Variants in TRPC6 observed in about 807,000 individuals in gnomAD.
TRPC6 encodes the protein transient receptor potential cation channel subfamily C member 6, also known as short transient receptor potential channel 6.
Under a neutral mutation model 90.7 loss-of-function variants are expected in TRPC6, and 55 were observed. The ratio of observed to expected loss-of-function variants is 0.61; its 90% CI spans 0.49 to 0.76. The LOEUF is 0.76. Among genes scored for constraint, TRPC6 ranks in the 30% least tolerant of loss-of-function variants. The pLI is 0.00. For missense variants in TRPC6, 989 were observed against 1,122.7 expected (o/e 0.88, Z 1.70); for synonymous variants, 393 against 393.0 (o/e 1.00, Z 0.00).
intron 1 of TRPC6, among the ~76,000 whole-genome samples, chr11:101,542,537 T>C (rs1861198998): frequency 6.6e-6 from 1 of 151,944 alleles, no homozygotes; most frequent in African/African-American, 2.4e-5. Context: ...GGGTTTTGCA[T>C]CCTGCATTTT....
chr11:101,476,212 A>G (rs1218771965), intron 6 of TRPC6, 89 bp downstream of exon 6: 6 of 1,064,332 alleles, frequency 5.6e-6, no homozygotes, highest in Non-Finnish European at 7.1e-6. Context: ...CAATTTTATG[A>G]GAATTGTGCA....
chr11:101,583,289 T>G, intron 1 of TRPC6, 45 bp downstream of exon 1: 1 of 1,541,010 alleles, frequency 6.5e-7, no homozygotes, highest in Non-Finnish European at 8.7e-7. Context: ...ACAACCTCCC[T>G]CCGCGCAGCC....
At chr11:101,507,039 ACACACACACACAGACC>A (rs967280490) in intron 1 of TRPC6, among the ~76,000 whole-genome samples, 21 of 150,592 alleles carry the variant, frequency 1.4e-4, no homozygotes, top group African/African-American at 5.0e-4. Flanking sequence ...ACACACACAC[ACACACACACACAGACC>A]CCCTTCATGG....
Position 101,472,195 on chromosome 11 carries a change from AC to A in TRPC6, c.2146del (p.Val716SerfsTer5). The A allele has an allele frequency of 1.9e-6, 3 of 1,612,708 alleles. No individual in the cohort carries two copies. Among genetic ancestry groups the A allele is most frequent in the Non-Finnish European group, 2.5e-6 (3 of 1,179,468 alleles). On this transcript the variant is annotated frameshift_variant, in exon 8 of 13. Transcript: ENST00000344327. LOFTEE classifies it high-confidence loss of function. ...VLYGVYNVTMVIVLLNMLIAM... is the reference protein window; with the variant it reads ...VLYGVYNVTMXIVLLNMLIAM... ...AATTAACATATTTAGCAAAACAATG[AC>A]CATCGTAACATTATAGACTCCATAA...
chr11:101,578,131 G>A (rs988922567), intron 1 of TRPC6, among the ~76,000 whole-genome samples: 3 of 152,162 alleles, frequency 2.0e-5, no homozygotes, highest in African/African-American at 7.2e-5. Context: ...GGGGGATGAA[G>A]GACAGACCCA....
intron 1 of TRPC6, among the ~76,000 whole-genome samples, chr11:101,534,005 C>T (rs1565232780): frequency 1.3e-5 from 2 of 152,186 alleles, no homozygotes. Context: ...AGCTCCCATT[C>T]CATCTAGCTC....
intron 1 of TRPC6, among the ~76,000 whole-genome samples, chr11:101,573,673 T>C (rs922641096): frequency 6.6e-6 from 1 of 152,194 alleles, no homozygotes; most frequent in African/African-American, 2.4e-5. Flanking sequence ...CTGAACATCA[T>C]ATTTCATTGA....
intron 1 of TRPC6, among the ~76,000 whole-genome samples, chr11:101,532,276 C>G (rs1241259449): frequency 2.0e-5 from 3 of 152,134 alleles, no homozygotes. Context: ...TTAATCACAC[C>G]TTCAAGGTGG....
chr11:101,503,103 C>A (rs1860169789), intron 2 of TRPC6, among the ~76,000 whole-genome samples: 1 of 152,094 alleles, frequency 6.6e-6, no homozygotes, highest in South Asian at 2.1e-4. Context: ...AGGTGATGGG[C>A]ATTAGAGGAT....
intron 10 of TRPC6, among the ~76,000 whole-genome samples, chr11:101,462,612 G>T (rs143812965): frequency 0.024 from 3,708 of 152,214 alleles, 67 homozygotes; most frequent in African/African-American, 0.035. Context: ...CTCTCTGTCT[G>T]TTATGGGTGT....
At position 101,583,746 on chromosome 11, in the gene TRPC6, G is replaced by A. The variant is rs199601311; in HGVS notation, c.-243C>T. 107 of 413,476 alleles carry A rather than the reference G, an allele frequency of 2.6e-4. No individual in the cohort carries two copies. Among genetic ancestry groups the A allele is most frequent in the Middle Eastern group, 6.1e-4 (1 of 1,630 alleles). 25.6% of individuals were successfully genotyped at this position (413,476 alleles called of 1,614,324 possible). A position where few individuals can be genotyped will look rare whatever the true frequency, so the allele number is the denominator to read the frequency against. Reference sequence around the variant, plus strand: ...GATCTTGACCTGAGCAGGTCAGGCCGAGGAGACCCCGCGAGGATGCGTCTG... The same window carrying A: ...GATCTTGACCTGAGCAGGTCAGGCCAAGGAGACCCCGCGAGGATGCGTCTG... On this transcript the variant is annotated 5_prime_UTR_variant, in exon 1 of 13. Coordinates refer to ENST00000344327, the MANE Select transcript of TRPC6 (RefSeq NM_004621.6).
At chr11:101,574,891 C>T (rs1279203392) in intron 1 of TRPC6, among the ~76,000 whole-genome samples, 3 of 152,128 alleles carry the variant, frequency 2.0e-5, no homozygotes, top group Non-Finnish European at 4.4e-5. Context: ...AAGAACTCTT[C>T]CTAGTTTTTT....
intron 1 of TRPC6, among the ~76,000 whole-genome samples, chr11:101,506,206 G>A (rs1288123112): frequency 1.4e-5 from 2 of 147,788 alleles, no homozygotes; most frequent in East Asian, 3.9e-4. Context: ...TGTTTTTGCA[G>A]AACTGGAACA....
At chr11:101,520,445 A>T (rs1341029183) in intron 1 of TRPC6, among the ~76,000 whole-genome samples, 1 of 152,236 alleles carries the variant, frequency 6.6e-6, no homozygotes, top group Non-Finnish European at 1.5e-5. Flanking sequence ...AATTGGTAAC[A>T]GAGAAGTACA....
chr11:101,539,852 TTG>T (rs1861131505), intron 1 of TRPC6, among the ~76,000 whole-genome samples: 5 of 152,260 alleles, frequency 3.3e-5, no homozygotes, highest in African/African-American at 1.2e-4. Flanking sequence ...TTTTATGAAT[TTG>T]GGAGTGTTTG....
At position 101,491,609 on chromosome 11, in the gene TRPC6, C is replaced by T. The variant is rs779132904; in HGVS notation, c.1075G>A (p.Gly359Ser). The change falls in exon 3 of 13, where the codon GGT (glycine) becomes AGT (serine). Residue 359 changes from glycine (G) to serine (S), a missense_variant. Around this residue, in one of 4 missense-constraint regions of TRPC6, gnomAD observed 486 missense variants for 591.9 expected, o/e 0.82. Transcript: ENST00000344327. The stretch of plus-strand genomic sequence containing the variant: ...TTTAAACGGCTGAGATTTGGGCGAC[C>T]GTGATCACCACTCTGGAGCGTTTCA... Reference protein sequence around the residue: ...DVETLQSGDHGRPNLSRLKLA... With the variant: ...DVETLQSGDHSRPNLSRLKLA... The T allele has an allele frequency of 9.3e-6, 15 of 1,613,878 alleles. No individual in the cohort carries two copies. Among genetic ancestry groups the T allele is most frequent in the South Asian group, 2.2e-5 (2 of 91,072 alleles).
rs1335260401 is a variant in TRPC6, at chr11:101,485,559, T to C, written c.1294-2394A>G. Among the ~76,000 whole-genome samples, 4 of 149,886 alleles carry C rather than the reference T, an allele frequency of 2.7e-5. No individual in the cohort carries two copies. The East Asian group carries it at 5.8e-4, about 22-fold the overall frequency. On this transcript the variant is annotated intron_variant, in intron 4 of 12. Coordinates refer to ENST00000344327, the MANE Select transcript of TRPC6 (RefSeq NM_004621.6). The stretch of plus-strand genomic sequence containing the variant: ...AATCCATATCTTTCTCATGGGAAAA[T>C]CCATTATAAATCCTAAACTTTTTTT...
rs143112325 is a variant in TRPC6, at chr11:101,491,472, T to C, written c.1128+84A>G. 8.2e-4 allele frequency: 1,250 copies of C among 1,525,042 alleles called. 10 individuals carry two copies. In the African/African-American group the frequency reaches 0.015, roughly 18 times the overall value. 94.5% of individuals were successfully genotyped at this position (1,525,042 alleles called of 1,614,324 possible). Reference sequence around the variant, plus strand: ...GAGAAAAGAAAAGAAAATCCCAGCTTAATCTAACAATATCAACCCTTTATC... The same window carrying C: ...GAGAAAAGAAAAGAAAATCCCAGCTCAATCTAACAATATCAACCCTTTATC... On this transcript the variant is annotated intron_variant, in intron 3 of 12. Coordinates refer to ENST00000344327, the MANE Select transcript of TRPC6 (RefSeq NM_004621.6).
chr11:101,483,232 T>C, intron 4 of TRPC6, 67 bp from the exon 5 acceptor site: 2 of 1,493,090 alleles, frequency 1.3e-6, no homozygotes, highest in Admixed American at 1.7e-5. Flanking sequence ...CACACATACA[T>C]ACATGCAAGA....
Sources: allele counts gnomAD v4.1 joint callset (sites outside exome capture counted in the v4.1 genomes callset), GRCh38; gene constraint gnomAD v4.1.1; regional missense constraint gnomAD v4.1.1; transcripts MANE v1.5; gene names NCBI Gene and HGNC (gene_info 2026-07-23, HGNC 2026-07-21).